LINGO2: variants seen among roughly 807,000 people sequenced by gnomAD.
LINGO2 encodes leucine-rich repeat and immunoglobulin-like domain-containing nogo receptor-interacting protein 2.
In LINGO2, 14 loss-of-function variants were observed where a neutral mutation model predicts 30.6. That is an observed-to-expected ratio of 0.46 (90% CI 0.30 to 0.72). The LOEUF (loss-of-function observed/expected upper bound fraction) is 0.72, where lower values mean the gene tolerates loss of function less well. Ranked by LOEUF, LINGO2 falls within the 30% of genes least tolerant of loss-of-function variation. LINGO2 has a pLI of 0.07. For synonymous variants in LINGO2, 317 were observed against 288.5 expected (o/e 1.10, Z -1.00); for missense variants, 729 against 751.7 (o/e 0.97, Z 0.35).
At chr9:28,154,467 A>G (rs1358404460) in intron 4 of LINGO2, among the ~76,000 whole-genome samples, 3 of 152,136 alleles carry the variant, frequency 2.0e-5, no homozygotes, top group Non-Finnish European at 2.9e-5. Flanking sequence ...ATACATGCCT[A>G]TGAGTAGGTT....
At chr9:29,120,155 G>T in the LINGO2 span, among the ~76,000 whole-genome samples, 23 of 152,230 alleles carry the variant, frequency 1.5e-4, no homozygotes, top group East Asian at 4.1e-3. Flanking sequence ...AAGGCTTTTC[G>T]CTTGGAGACA....
chr9:28,639,138 G>A (rs1019881218), intron 1 of LINGO2, among the ~76,000 whole-genome samples: 12 of 152,166 alleles, frequency 7.9e-5, no homozygotes, highest in African/African-American at 2.9e-4. Flanking sequence ...TTTTGAGTGA[G>A]TTTCTTAATC....
chr9:28,688,594 A>G, the LINGO2 span, among the ~76,000 whole-genome samples: 1 of 152,188 alleles, frequency 6.6e-6, no homozygotes, highest in Admixed American at 6.6e-5. Flanking sequence ...CTGCCATTCA[A>G]AAGCCTAAAA....
chr9:28,854,842 A>G, the LINGO2 span, among the ~76,000 whole-genome samples: 1 of 151,964 alleles, frequency 6.6e-6, no homozygotes, highest in African/African-American at 2.4e-5. Flanking sequence ...GTTCTTTGGC[A>G]CAAACAATTA....
At chr9:28,502,137 C>CACACACACACACACACACACACACACAT (rs1819914979) in intron 1 of LINGO2, among the ~76,000 whole-genome samples, 1 of 142,504 alleles carries the variant, frequency 7.0e-6, no homozygotes, top group African/African-American at 2.8e-5. Flanking sequence ...CACAGACACA[C>CACACACACACACACACACACACACACAT]ACACACACAC....
At chr9:28,082,235 G>C (rs1825792287) in intron 4 of LINGO2, among the ~76,000 whole-genome samples, 1 of 152,098 alleles carries the variant, frequency 6.6e-6, no homozygotes, top group Non-Finnish European at 1.5e-5. Flanking sequence ...TGAAATTTTA[G>C]GCTGTCATCT....
chr9:28,057,743 C>T (rs951165530), intron 4 of LINGO2, among the ~76,000 whole-genome samples: 2 of 151,738 alleles, frequency 1.3e-5, no homozygotes, highest in East Asian at 3.9e-4. Context: ...TTTTCCACTG[C>T]CTACCTGCTT....
At chr9:28,251,149 G>A (rs1235365757) in intron 4 of LINGO2, among the ~76,000 whole-genome samples, 1 of 152,116 alleles carries the variant, frequency 6.6e-6, no homozygotes, top group Non-Finnish European at 1.5e-5. Context: ...GAAAACCTCT[G>A]TGAATTCTTT....
the LINGO2 span, among the ~76,000 whole-genome samples, chr9:28,818,937 C>T: frequency 1.3e-5 from 2 of 152,136 alleles, no homozygotes; most frequent in Non-Finnish European, 2.9e-5. Flanking sequence ...AAACCAATCA[C>T]ATTAAATCTT....
chr9:28,041,653 T>A (rs910786804), intron 4 of LINGO2, among the ~76,000 whole-genome samples: 1 of 152,204 alleles, frequency 6.6e-6, no homozygotes, highest in Non-Finnish European at 1.5e-5. Context: ...AAGAAAAATA[T>A]GATTTATATA....
At chr9:28,626,161 C>T (rs1826663505) in intron 1 of LINGO2, among the ~76,000 whole-genome samples, 1 of 152,012 alleles carries the variant, frequency 6.6e-6, no homozygotes, top group African/African-American at 2.4e-5. Context: ...CTCTCACTGC[C>T]CTGATGACTA....
chr9:28,409,270 A>T (rs1419343325), intron 2 of LINGO2, among the ~76,000 whole-genome samples: 1 of 152,148 alleles, frequency 6.6e-6, no homozygotes, highest in Non-Finnish European at 1.5e-5. Flanking sequence ...ATACATTTAC[A>T]TAGAGTTCAG....
In LINGO2 at chr9:28,229,651, T is replaced by C. The variant is rs1316043586; in HGVS notation, c.-87+65557A>G. On this transcript the variant is annotated intron_variant, in intron 4 of 5. Transcript: ENST00000379992. Reference sequence around the variant, plus strand: ...CTGAATAATTTAGTATCAAAATGGGTTTAACAAAACTTTAAAAAATAAAGT... The same window carrying C: ...CTGAATAATTTAGTATCAAAATGGGCTTAACAAAACTTTAAAAAATAAAGT... Among the ~76,000 whole-genome samples the C allele has an allele frequency of 2.0e-5, 3 of 151,694 alleles. No individual in the cohort carries two copies. In the East Asian group the frequency reaches 5.8e-4, roughly 29 times the overall value.
At chr9:28,038,658 A>G (rs1294446966) in intron 4 of LINGO2, among the ~76,000 whole-genome samples, 1 of 150,468 alleles carries the variant, frequency 6.6e-6, no homozygotes, top group African/African-American at 2.4e-5. Flanking sequence ...GCACCACTGC[A>G]GTCCAGCCTG....
the LINGO2 span, among the ~76,000 whole-genome samples, chr9:28,718,757 T>C: frequency 2.0e-5 from 3 of 152,078 alleles, no homozygotes; most frequent in Non-Finnish European, 2.9e-5. Context: ...CTTTATTCTT[T>C]GCTCTAGCTT....
At chr9:28,279,717 T>A (rs1386132267) in intron 4 of LINGO2, among the ~76,000 whole-genome samples, 1 of 152,034 alleles carries the variant, frequency 6.6e-6, no homozygotes, top group Non-Finnish European at 1.5e-5. Flanking sequence ...TGGAACCAAA[T>A]CCTCAATATC....
intron 1 of LINGO2, among the ~76,000 whole-genome samples, chr9:28,648,404 T>C (rs923719592): frequency 6.6e-6 from 1 of 152,126 alleles, no homozygotes; most frequent in African/African-American, 2.4e-5. Flanking sequence ...CAATGCATCT[T>C]CACAAGGTAG....
chr9:28,585,622 T>C (rs777102175), intron 1 of LINGO2, among the ~76,000 whole-genome samples: 96 of 152,178 alleles, frequency 6.3e-4, no homozygotes, highest in Admixed American at 1.2e-3. Context: ...ATGTTTAAGC[T>C]ATTAGGCTAA....
chr9:29,000,073 G>T, the LINGO2 span, among the ~76,000 whole-genome samples: 7 of 151,946 alleles, frequency 4.6e-5, no homozygotes, highest in African/African-American at 1.7e-4. Context: ...ATGAATGTAT[G>T]ATTAATGACG....
Sources: allele counts gnomAD v4.1 joint callset (sites outside exome capture counted in the v4.1 genomes callset), GRCh38; gene constraint gnomAD v4.1.1; transcripts MANE v1.5; gene names NCBI Gene and HGNC (gene_info 2026-07-23, HGNC 2026-07-21).